Variants in DNAH12 observed in about 807,000 individuals in gnomAD.
The protein encoded by DNAH12 is dynein axonemal heavy chain 12.
A neutral mutation model predicts 371.5 loss-of-function variants in DNAH12; 285 were observed. The observed-to-expected ratio is 0.77, with a 90% CI of 0.70 to 0.85. The LOEUF is 0.85. DNAH12 is among the 40% of genes least tolerant of loss of function. The pLI, the probability that DNAH12 is intolerant of heterozygous loss-of-function variation, is 0.00. For synonymous variants in DNAH12, 1,200 were observed against 1,213.0 expected, an observed-to-expected ratio of 0.99 and a Z score of 0.22; for missense variants, 3,611 against 3,689.4, an observed-to-expected ratio of 0.98 and a Z score of 0.55.
chr3:57,303,624 G>A (rs564986296), intron 69 of DNAH12, among the ~76,000 whole-genome samples: 14 of 152,044 alleles, frequency 9.2e-5, no homozygotes, highest in African/African-American at 3.1e-4. Flanking sequence ...TCCGAAGCTG[G>A]GATTTCAGGG....
chr3:57,528,661 G>A (rs1196119012), intron 2 of DNAH12, among the ~76,000 whole-genome samples: 1 of 150,592 alleles, frequency 6.6e-6, no homozygotes, highest in Non-Finnish European at 1.5e-5. Context: ...GGGAGGCGGA[G>A]GTTGCGGTGA....
At chr3:57,426,514 C>T (rs555028738) in intron 34 of DNAH12, among the ~76,000 whole-genome samples, 30 of 151,998 alleles carry the variant, frequency 2.0e-4, no homozygotes, top group African/African-American at 6.0e-4. Context: ...CAGGTATAAA[C>T]TTTATCAAGA....
rs1199846063 is a variant in DNAH12 at position 57,322,922 on chromosome 3, T to C, written c.10383+85A>G. 3 of 1,480,040 alleles carry C rather than the reference T, an allele frequency of 2.0e-6. No individual in the cohort carries two copies. The Admixed American group carries it at 6.8e-5, about 34-fold the overall frequency. 91.7% of individuals were successfully genotyped at this position (1,480,040 alleles called of 1,614,324 possible). ...TCCAGCCTGGGAGACAGAGTAAGAC[T>C]CCGTCTCAAAACAAACAAACAAAAC... On this transcript the variant is annotated intron_variant, in intron 64 of 73. Transcript: ENST00000495027.
intron 55 of DNAH12, among the ~76,000 whole-genome samples, chr3:57,370,251 C>T (rs972285073): frequency 3.9e-5 from 6 of 152,138 alleles, no homozygotes; most frequent in Non-Finnish European, 7.4e-5. Flanking sequence ...TAAGTGTTTT[C>T]ATCATGGTTG....
intron 4 of DNAH12, among the ~76,000 whole-genome samples, chr3:57,522,453 G>A (rs1038516493): frequency 2.0e-5 from 3 of 152,242 alleles, no homozygotes; most frequent in Admixed American, 6.5e-5. Context: ...ATTTATTAAT[G>A]TTTTGGGAAT....
In DNAH12 at chr3:57,424,962, A is replaced by T; in HGVS notation, c.5373+60T>A. 3 of 671,300 alleles carry T rather than the reference A, an allele frequency of 4.5e-6. No individual in the cohort carries two copies. The South Asian group carries it at 4.9e-5, about 11-fold the overall frequency. The allele number at this position is 671,300 out of a possible 1,614,324, so 41.6% of individuals were successfully genotyped here. A position where few individuals can be genotyped will look rare whatever the true frequency, so the allele number is the denominator to read the frequency against. On this transcript the variant is annotated intron_variant, in intron 35 of 73. Transcript: ENST00000495027. ...TTGTCATGTCTTTCTCAATATAAAC[A>T]TCATGTACCAGAAGCATAATTTATT... is the stretch of plus-strand genomic sequence containing the variant.
intron 17 of DNAH12, among the ~76,000 whole-genome samples, chr3:57,468,199 C>T (rs543429023): frequency 6.6e-6 from 1 of 152,258 alleles, no homozygotes; most frequent in African/African-American, 2.4e-5. Flanking sequence ...CCTTTGATTA[C>T]AAGTGACAGA....
At chr3:57,415,396 A>G in intron 38 of DNAH12, 30 bp downstream of exon 38, 2 of 1,541,152 alleles carry the variant, frequency 1.3e-6, no homozygotes, top group Non-Finnish European at 1.7e-6. Context: ...AAAATTAACG[A>G]TAGACCCCCA....
chr3:57,461,372 A>G (rs938819346), intron 19 of DNAH12, 117 bp downstream of exon 19: 7 of 871,888 alleles, frequency 8.0e-6, no homozygotes, highest in Non-Finnish European at 1.2e-5. Flanking sequence ...TAGGTCTATG[A>G]TTTGAATAAA....
intron 43 of DNAH12, 105 bp from the exon 44 acceptor site, chr3:57,394,437 C>A (rs2063695457): frequency 6.6e-6 from 1 of 152,296 alleles, no homozygotes; most frequent in South Asian, 2.1e-4. Context: ...ATTTTTAGGG[C>A]AGTACCTCTC....
At position 57,349,836 on chromosome 3, in the gene DNAH12, C is replaced by T. The variant is rs1463005421; in HGVS notation, c.9674+2249G>A. On this transcript the variant is annotated intron_variant, in intron 60 of 73. Transcript: ENST00000495027. ...TTGAGTAGCTGGGACTACAGGCATGCGCCACCATGCCTGGCTAATTTTTTT... is the reference window on the plus strand; with the variant it reads ...TTGAGTAGCTGGGACTACAGGCATGTGCCACCATGCCTGGCTAATTTTTTT... Among the ~76,000 whole-genome samples, 17 of 152,176 alleles carry T rather than the reference C, an allele frequency of 1.1e-4. No homozygotes were observed. The East Asian group carries it at 1.2e-3, about 10-fold the overall frequency.
chr3:57,378,023 G>A (rs2063317090), intron 52 of DNAH12, among the ~76,000 whole-genome samples: 1 of 152,288 alleles, frequency 6.6e-6, no homozygotes, highest in South Asian at 2.1e-4. Context: ...AAAATGCCCT[G>A]CTTTCTCTCT....
intron 51 of DNAH12, 100 bp downstream of exon 51, chr3:57,380,178 T>A (rs1209752588): frequency 6.6e-6 from 1 of 152,144 alleles, no homozygotes; most frequent in Non-Finnish European, 1.5e-5. Flanking sequence ...AATCCTAAAA[T>A]GGACTATTTC....
At chr3:57,361,643 T>A (rs1029134473) in intron 58 of DNAH12, among the ~76,000 whole-genome samples, 4 of 151,664 alleles carry the variant, frequency 2.6e-5, no homozygotes, top group African/African-American at 9.7e-5. Flanking sequence ...GAATCCCTAA[T>A]TGTTCAATCA....
intron 57 of DNAH12, among the ~76,000 whole-genome samples, 166 bp from the exon 58 acceptor site, chr3:57,363,952 G>A (rs2153330691): frequency 6.6e-6 from 1 of 152,238 alleles, no homozygotes; most frequent in East Asian, 1.9e-4. Flanking sequence ...GTTCAAGCAA[G>A]AAAAGCATTA....
the DNAH12 span, among the ~76,000 whole-genome samples, chr3:57,553,491 G>A: frequency 2.6e-5 from 4 of 152,100 alleles, no homozygotes; most frequent in African/African-American, 9.7e-5. Flanking sequence ...GTTGCGCCAG[G>A]GAGGACAGGG....
intron 56 of DNAH12, among the ~76,000 whole-genome samples, chr3:57,367,334 A>T (rs2063073086): frequency 5.1e-5 from 1 of 19,560 alleles, no homozygotes; most frequent in African/African-American, 1.1e-4. Flanking sequence ...CAAAATGATA[A>T]TAATAACATA....
At chr3:57,510,325 T>C (rs1356337422) in intron 5 of DNAH12, among the ~76,000 whole-genome samples, 2 of 152,090 alleles carry the variant, frequency 1.3e-5, no homozygotes, top group African/African-American at 4.8e-5. Flanking sequence ...AAACTTTAAA[T>C]AAAAATCGTA....
intron 73 of DNAH12, 39 bp from the exon 74 acceptor site, chr3:57,294,010 GA>G: frequency 1.4e-6 from 2 of 1,406,780 alleles, no homozygotes; most frequent in Non-Finnish European, 9.3e-7. Context: ...TTGATAAAGG[GA>G]AAAACAGCCA....
Sources: allele counts gnomAD v4.1 joint callset (sites outside exome capture counted in the v4.1 genomes callset), GRCh38; gene constraint gnomAD v4.1.1; transcripts MANE v1.5; gene names NCBI Gene and HGNC (gene_info 2026-07-23, HGNC 2026-07-21).